KRT7: variants seen among roughly 807,000 people sequenced by gnomAD.
The protein encoded by KRT7 is keratin 7, also known as keratin, type II cytoskeletal 7.
KRT7 carries 50 observed loss-of-function variants against 42.8 expected under a neutral mutation model. The ratio of observed to expected loss-of-function variants is 1.17; its 90% CI spans 0.93 to 1.48. KRT7 has a LOEUF of 1.48. KRT7 is among the 40% of genes most tolerant of loss of function. The pLI, the probability that KRT7 is intolerant of heterozygous loss-of-function variation, is 0.00. For missense variants in KRT7, 588 were observed against 637.6 expected (o/e 0.92, Z 0.84); for synonymous variants, 268 against 266.3 (o/e 1.01, Z -0.06).
intron 3 of KRT7, among the ~76,000 whole-genome samples, chr12:52,237,990 C>T (rs368014591): frequency 2.6e-5 from 4 of 152,294 alleles, no homozygotes; most frequent in East Asian, 1.9e-4. Context: ...AAGCTTGGAA[C>T]GCCTTAGAAG....
Position 52,233,637 on chromosome 12 carries a change from C to T in KRT7, c.324+17C>T, listed in dbSNP as rs1341915196. ...ATCGACAAGGTGAGCGGGACTGGAC[C>T]TCGCCTCTCCTCGAGCCGCGCTCCA... On this transcript the variant is annotated intron_variant, in intron 1 of 8. Transcript: ENST00000331817. 1 of 1,610,358 alleles carries T rather than the reference C, an allele frequency of 6.2e-7. No individual in the cohort carries two copies. The highest frequency in any genetic ancestry group is 8.5e-7 in the Non-Finnish European group (1 of 1,178,232).
chr12:52,255,098 G>T (rs1172489723), downstream of KRT7, among the ~76,000 whole-genome samples: 1 of 152,258 alleles, frequency 6.6e-6, no homozygotes, highest in Admixed American at 6.5e-5. Context: ...AACCTCAGAT[G>T]GGGGAGAATA....
intron 6 of KRT7, chr12:52,244,621 G>GA: frequency 1.0e-6 from 1 of 985,998 alleles, no homozygotes; most frequent in Non-Finnish European, 1.2e-6. Flanking sequence ...GGTAAGAAGG[G>GA]AGAGAAGTCC....
downstream of KRT7, chr12:52,253,467 C>T (rs1055937050): frequency 1.9e-6 from 3 of 1,539,798 alleles, no homozygotes; most frequent in African/African-American, 4.1e-5. Context: ...GCCCTGCTAC[C>T]CCAACCTCAG....
downstream of KRT7, chr12:52,253,471 A>G (rs969636424): frequency 2.4e-5 from 37 of 1,538,186 alleles, no homozygotes; most frequent in Middle Eastern, 1.7e-4. Flanking sequence ...TGCTACCCCA[A>G]CCTCAGAGAG....
At chr12:52,245,674 C>A (rs145650053) in intron 7 of KRT7, 42 bp downstream of exon 7, 1 of 1,610,020 alleles carries the variant, frequency 6.2e-7, no homozygotes, top group Non-Finnish European at 8.5e-7. Context: ...TCTAGGGCTC[C>A]GTGGGGTTTG....
chr12:52,240,196 A>G (rs1461254000), intron 4 of KRT7, among the ~76,000 whole-genome samples: 3 of 151,996 alleles, frequency 2.0e-5, no homozygotes, highest in Non-Finnish European at 4.4e-5. Flanking sequence ...CATATATATA[A>G]AGTTTTCTTT....
intron 6 of KRT7, 149 bp downstream of exon 6, chr12:52,243,286 C>G: frequency 2.2e-6 from 2 of 929,330 alleles, no homozygotes; most frequent in South Asian, 3.6e-5. Flanking sequence ...ATCTCCAGCA[C>G]AGAATGTTCT....
In KRT7 at chr12:52,245,568, G is replaced by C. The variant is rs759259636; in HGVS notation, c.1141G>C (p.Val381Leu). The C allele has an allele frequency of 1.2e-6, 2 of 1,614,112 alleles. No individual in the cohort carries two copies. The highest frequency in any genetic ancestry group is 2.2e-5 in the South Asian group (2 of 91,062). Reference sequence around the variant, plus strand: ...GCGTGAGTACCAGGAACTCATGAGCGTGAAGCTGGCCCTGGACATCGAGAT... The same window carrying C: ...GCGTGAGTACCAGGAACTCATGAGCCTGAAGCTGGCCCTGGACATCGAGAT... ...QLREYQELMS[V>L]KLALDIEIAT... The change falls in exon 7 of 9, where the codon GTG becomes CTG. Residue 381 changes from valine (V) to leucine (L), a missense_variant. By Grantham distance (32) the Val-to-Leu change is conservative. Transcript: ENST00000331817.
chr12:52,235,259 C>T lies in KRT7; in HGVS notation c.429C>T (p.Ala143=). Residue 143 remains alanine, a synonymous_variant, in exon 2 of 9, where the codon GCC becomes GCT. Coordinates refer to ENST00000331817, the MANE Select transcript of KRT7 (RefSeq NM_005556.4). ...GCCGCCTCCCAGACATCTTTGAGGC[C>T]CAGATTGCTGGCCTTCGGGGTCAGC... The part of the protein sequence containing the change: ...KSSRLPDIFE[A]QIAGLRGQLE... 6.2e-7 allele frequency: 1 copy of T among 1,614,162 alleles called. No individual in the cohort carries two copies. The highest frequency in any genetic ancestry group is 1.1e-5 in the South Asian group (1 of 91,078).
chr12:52,234,883 T>G (rs1941987547), intron 1 of KRT7, among the ~76,000 whole-genome samples: 1 of 152,142 alleles, frequency 6.6e-6, no homozygotes, highest in African/African-American at 2.4e-5. Flanking sequence ...CCACCTGTAA[T>G]GTGATGGGGA....
chr12:52,252,596 C>T, downstream of KRT7: 6 of 1,345,418 alleles, frequency 4.5e-6, no homozygotes, highest in Non-Finnish European at 3.0e-6. Flanking sequence ...ATTTGTTAGG[C>T]CAGGGGTTGC....
chr12:52,255,312 A>C, downstream of KRT7: 1 of 456,752 alleles, frequency 2.2e-6, no homozygotes, highest in South Asian at 1.5e-5. Flanking sequence ...TCTGGCCTCC[A>C]TTCTGAGTTA....
intron 1 of KRT7, 92 bp downstream of exon 1, chr12:52,233,712 T>A: frequency 8.1e-7 from 1 of 1,235,462 alleles, no homozygotes; most frequent in African/African-American, 1.5e-5. Context: ...GGCCAGGCGC[T>A]GGGGAGCACT....
intron 3 of KRT7, 43 bp from the exon 4 acceptor site, chr12:52,238,637 G>A: frequency 8.4e-7 from 1 of 1,196,186 alleles, no homozygotes; most frequent in South Asian, 1.2e-5. Context: ...TCCCTGTACT[G>A]AGGACATGGT....
chr12:52,250,411 C>A (rs1009898239), downstream of KRT7: 20 of 426,948 alleles, frequency 4.7e-5, 1 homozygote, highest in African/African-American at 2.8e-4. Flanking sequence ...CTCCGGGCTG[C>A]CTCTGGAGGC....
chr12:52,250,557 G>A (rs1942248140), downstream of KRT7: 4 of 1,239,246 alleles, frequency 3.2e-6, no homozygotes, highest in East Asian at 7.7e-5. Context: ...GCTGCAGGGG[G>A]CACTGCAGAC....
chr12:52,252,577 G>GC, downstream of KRT7: 3 of 1,465,154 alleles, frequency 2.0e-6, no homozygotes, highest in Non-Finnish European at 2.8e-6. Context: ...AGAAAAAGAG[G>GC]CCTTGTCTAT....
At chr12:52,250,319 G>A, downstream of KRT7, 1 of 324,744 alleles carries the variant, frequency 3.1e-6, no homozygotes, top group Non-Finnish European at 5.9e-6. Context: ...GCGGGGATGC[G>A]AGACAGGAAG....
Sources: allele counts gnomAD v4.1 joint callset (sites outside exome capture counted in the v4.1 genomes callset), GRCh38; gene constraint gnomAD v4.1.1; transcripts MANE v1.5; gene names NCBI Gene and HGNC (gene_info 2026-07-23, HGNC 2026-07-21).